Variants in CCDC60 observed in about 807,000 individuals in gnomAD.
CCDC60 encodes the protein coiled-coil domain containing 60, also known as coiled-coil domain-containing protein 60.
A neutral mutation model predicts 63.5 loss-of-function variants in CCDC60; 54 were observed. The observed-to-expected ratio is 0.85, with a 90% CI of 0.68 to 1.07. The LOEUF is 1.07. Ranked by LOEUF, CCDC60 falls within the 50% of genes least tolerant of loss-of-function variation. CCDC60 has a pLI of 0.00. For missense variants in CCDC60, 651 were observed against 684.3 expected, an observed-to-expected ratio of 0.95 and a Z score of 0.54; for synonymous variants, 206 against 238.8, an observed-to-expected ratio of 0.86 and a Z score of 1.27.
intron 10 of CCDC60, among the ~76,000 whole-genome samples, chr12:119,523,289 T>C (rs892309246): frequency 6.6e-6 from 1 of 152,208 alleles, no homozygotes; most frequent in Non-Finnish European, 1.5e-5. Context: ...GCAGGAGGAC[T>C]AACCCATCTT....
chr12:119,455,731 A>AAAAG (rs1015800370), intron 2 of CCDC60, among the ~76,000 whole-genome samples: 1 of 149,468 alleles, frequency 6.7e-6, no homozygotes, highest in South Asian at 2.1e-4. Flanking sequence ...CTGTCTCTGA[A>AAAAG]AAAGAAAGAA....
chr12:119,530,826 A>G lies in CCDC60; in HGVS notation c.1362-48A>G, dbSNP rs754441719. Reference sequence around the variant, plus strand: ...TGGAGATGGATGGCCAGAGGTGCTCAGATCTTCCAGCAGCTTCCTAACTTG... The same window carrying G: ...TGGAGATGGATGGCCAGAGGTGCTCGGATCTTCCAGCAGCTTCCTAACTTG... On this transcript the variant is annotated intron_variant, in intron 12 of 13. Coordinates refer to ENST00000327554, the MANE Select transcript of CCDC60 (RefSeq NM_178499.5). The G allele has an allele frequency of 3.3e-6, 5 of 1,536,286 alleles. No homozygotes were observed. The South Asian group carries it at 3.6e-5, about 11-fold the overall frequency.
At chr12:119,419,773 A>G (rs1461496654) in intron 1 of CCDC60, among the ~76,000 whole-genome samples, 1 of 151,936 alleles carries the variant, frequency 6.6e-6, no homozygotes, top group Non-Finnish European at 1.5e-5. Flanking sequence ...TCGTCTCCCC[A>G]GATGACAGTC....
intron 2 of CCDC60, among the ~76,000 whole-genome samples, chr12:119,447,162 C>T (rs1950557834): frequency 6.6e-6 from 1 of 152,134 alleles, no homozygotes; most frequent in African/African-American, 2.4e-5. Flanking sequence ...CTGAATATAT[C>T]GCAGTGAGGA....
intron 12 of CCDC60, among the ~76,000 whole-genome samples, chr12:119,530,672 G>A (rs1380126858): frequency 6.6e-6 from 1 of 152,104 alleles, no homozygotes; most frequent in East Asian, 1.9e-4. Flanking sequence ...TTAATGAAAT[G>A]CAAGTCATTC....
intron 6 of CCDC60, among the ~76,000 whole-genome samples, chr12:119,500,662 T>A (rs1375778466): frequency 2.0e-5 from 3 of 151,804 alleles, no homozygotes; most frequent in African/African-American, 7.3e-5. Context: ...GAGACGAGCC[T>A]GGGCAACATA....
intron 13 of CCDC60, among the ~76,000 whole-genome samples, chr12:119,532,984 A>G (rs1952899343): frequency 6.6e-6 from 1 of 152,214 alleles, no homozygotes; most frequent in South Asian, 2.1e-4. Context: ...ATCCTTGAGG[A>G]ATCACCACTC....
chr12:119,532,363 G>T (rs1311351974), intron 13 of CCDC60, among the ~76,000 whole-genome samples: 2 of 150,864 alleles, frequency 1.3e-5, no homozygotes, highest in African/African-American at 4.9e-5. Context: ...ATAAAATTTA[G>T]CAAGCTCTTT....
At chr12:119,412,222 T>C (rs2136199524) in intron 1 of CCDC60, among the ~76,000 whole-genome samples, 1 of 152,264 alleles carries the variant, frequency 6.6e-6, no homozygotes, top group Middle Eastern at 3.4e-3. Flanking sequence ...CTTGGCTCTT[T>C]TCTCTTTCAC....
intron 1 of CCDC60, among the ~76,000 whole-genome samples, chr12:119,408,416 G>T (rs771409843): frequency 1.3e-5 from 2 of 152,134 alleles, no homozygotes; most frequent in Non-Finnish European, 2.9e-5. Flanking sequence ...ACAGGGAGAC[G>T]GCTCACTCCT....
At chr12:119,463,519 C>T (rs1399406157) in intron 2 of CCDC60, among the ~76,000 whole-genome samples, 1 of 152,218 alleles carries the variant, frequency 6.6e-6, no homozygotes, top group Non-Finnish European at 1.5e-5. Flanking sequence ...ATAATAATAG[C>T]ACCTAAAACA....
chr12:119,469,503 ACCCGCCCCGGCCT>A (rs746399833), intron 2 of CCDC60, among the ~76,000 whole-genome samples: 20 of 151,968 alleles, frequency 1.3e-4, no homozygotes, highest in Admixed American at 3.9e-4. Context: ...CAAGTGATCC[ACCCGCCCCGGCCT>A]CCCAAAGTGC....
intron 1 of CCDC60, among the ~76,000 whole-genome samples, chr12:119,404,618 C>T (rs946657089): frequency 6.6e-6 from 1 of 152,156 alleles, no homozygotes; most frequent in African/African-American, 2.4e-5. Context: ...GAGCAAGGCA[C>T]CAAGTGTGAG....
intron 1 of CCDC60, among the ~76,000 whole-genome samples, chr12:119,373,669 G>C (rs917215232): frequency 1.1e-4 from 10 of 91,158 alleles, no homozygotes; most frequent in African/African-American, 4.7e-4. Flanking sequence ...GGGTGGGGTG[G>C]GGGGGGGTCT....
intron 1 of CCDC60, among the ~76,000 whole-genome samples, chr12:119,418,129 C>CATG (rs60428513): frequency 0.56 from 85,303 of 151,564 alleles, 24,909 homozygotes; most frequent in African/African-American, 0.72. Context: ...AACATGTTTC[C>CATG]ATATTTTTCA....
intron 7 of CCDC60, among the ~76,000 whole-genome samples, chr12:119,508,621 C>T (rs1189840188): frequency 1.3e-5 from 2 of 152,188 alleles, no homozygotes; most frequent in African/African-American, 2.4e-5. Flanking sequence ...GGGAGCCTCT[C>T]TCAGGTCTGA....
intron 1 of CCDC60, among the ~76,000 whole-genome samples, chr12:119,396,206 G>C (rs1471008845): frequency 1.3e-5 from 2 of 151,462 alleles, no homozygotes; most frequent in Non-Finnish European, 3.0e-5. Context: ...CTAAAATGCT[G>C]GGACTACAAG....
intron 2 of CCDC60, among the ~76,000 whole-genome samples, chr12:119,454,920 C>G (rs1950696299): frequency 6.6e-6 from 1 of 152,194 alleles, no homozygotes; most frequent in African/African-American, 2.4e-5. Flanking sequence ...CAGAATTCCT[C>G]ATGCTCAGAA....
chr12:119,360,122 A>T (rs369844559), intron 1 of CCDC60, among the ~76,000 whole-genome samples: 2 of 137,118 alleles, frequency 1.5e-5, no homozygotes, highest in Admixed American at 1.5e-4. Context: ...GGGCAGAGGC[A>T]CCCCTCACCT....
Sources: gnomAD v4.1 joint callset for allele counts (sites outside exome capture counted in the v4.1 genomes callset) on GRCh38, gnomAD v4.1.1 for gene constraint, MANE v1.5 for transcripts, NCBI Gene and HGNC (gene_info 2026-07-23, HGNC 2026-07-21) for gene names.